KDM4B: variants seen among roughly 807,000 people sequenced by gnomAD.
KDM4B encodes lysine-specific demethylase 4B.
A neutral mutation model predicts 125.2 loss-of-function variants in KDM4B; 32 were observed. The ratio of observed to expected loss-of-function variants is 0.26; its 90% confidence interval spans 0.19 to 0.34. KDM4B has a LOEUF of 0.34. Among genes scored for constraint, KDM4B ranks in the 10% least tolerant of loss-of-function variants. KDM4B has a pLI of 1.00. For synonymous variants in KDM4B, 721 were observed against 677.9 expected (o/e 1.06, Z -0.99); for missense variants, 1,190 against 1,577.7 (o/e 0.75, Z 4.16).
intron 2 of KDM4B, among the ~76,000 whole-genome samples, chr19:5,024,097 C>T (rs550984973): frequency 1.8e-4 from 27 of 152,248 alleles, no homozygotes; most frequent in African/African-American, 6.5e-4. Flanking sequence ...TGCGTGTGGC[C>T]GCTGAGAGCC....
In KDM4B at chr19:4,976,144, G is replaced by A. The variant is rs189053777; in HGVS notation, c.-109+6914G>A. Among the ~76,000 whole-genome samples, 334 of 148,564 alleles carry A rather than the reference G, an allele frequency of 2.2e-3. 1 individual carries two copies. The highest frequency in any genetic ancestry group is 0.01 in the Middle Eastern group (3 of 292). On this transcript the variant is annotated intron_variant, in intron 1 of 22. Coordinates refer to ENST00000159111, the MANE Select transcript of KDM4B (RefSeq NM_015015.3). ...TATGCCTGTAATCCCAGCTTGTTGG[G>A]AGGCTGAGGCAGGAGAATCGCTTGA...
chr19:5,015,792 C>G (rs2035874423), intron 1 of KDM4B, among the ~76,000 whole-genome samples: 1 of 152,240 alleles, frequency 6.6e-6, no homozygotes, highest in African/African-American at 2.4e-5. Flanking sequence ...GGACTAAGTT[C>G]AACGCCTGGG....
chr19:5,120,427 G>A (rs2039338759), intron 11 of KDM4B, among the ~76,000 whole-genome samples: 1 of 152,248 alleles, frequency 6.6e-6, no homozygotes, highest in South Asian at 2.1e-4. Context: ...GGTCCTGACT[G>A]TGAGCTGGGG....
intron 6 of KDM4B, among the ~76,000 whole-genome samples, chr19:5,053,734 G>A (rs2037304789): frequency 6.6e-6 from 1 of 152,244 alleles, no homozygotes; most frequent in South Asian, 2.1e-4. Flanking sequence ...GACAGTTGTT[G>A]TCACAAGCAA....
intron 1 of KDM4B, among the ~76,000 whole-genome samples, chr19:5,000,418 C>T (rs954348092): frequency 6.6e-6 from 1 of 151,702 alleles, no homozygotes; most frequent in Admixed American, 6.6e-5. Flanking sequence ...TCCATCCATC[C>T]GTACATCCAT....
chr19:4,983,422 C>T (rs7257991), intron 1 of KDM4B, among the ~76,000 whole-genome samples: 1 of 152,154 alleles, frequency 6.6e-6, no homozygotes, highest in Non-Finnish European at 1.5e-5. Context: ...AATGGCAGGA[C>T]ACGCTGCGAC....
At chr19:5,016,458 C>T (rs2145519641) in intron 2 of KDM4B, 119 bp downstream of exon 2, 1 of 152,348 alleles carries the variant, frequency 6.6e-6, no homozygotes, top group South Asian at 2.1e-4. Context: ...CTCTGAATTC[C>T]CGGGACGTCC....
Position 5,151,670 on chromosome 19 carries a change from C to T in KDM4B, c.*159C>T, listed in dbSNP as rs532279995. Reference sequence around the variant, plus strand: ...AGGGCGACAGGAGCCAGCGGGACGCCGCACGCGGCCCCAGACTCAGGGAGC... The same window carrying T: ...AGGGCGACAGGAGCCAGCGGGACGCTGCACGCGGCCCCAGACTCAGGGAGC... On this transcript the variant is annotated 3_prime_UTR_variant, in exon 23 of 23. Transcript: ENST00000159111. The T allele has an allele frequency of 3.0e-5, 17 of 569,186 alleles. No individual in the cohort carries two copies. Among genetic ancestry groups the T allele is most frequent in the Admixed American group, 2.6e-4 (6 of 22,840 alleles). 35.3% of individuals were successfully genotyped at this position (569,186 alleles called of 1,614,324 possible).
At chr19:5,014,565 G>A (rs1599415922) in intron 1 of KDM4B, among the ~76,000 whole-genome samples, 1 of 151,946 alleles carries the variant, frequency 6.6e-6, no homozygotes, top group South Asian at 2.1e-4. Context: ...GTGAGCCACC[G>A]CGCCTGGCCT....
intron 2 of KDM4B, among the ~76,000 whole-genome samples, chr19:5,023,919 T>C (rs1435326304): frequency 6.6e-6 from 1 of 151,956 alleles, no homozygotes; most frequent in Non-Finnish European, 1.5e-5. Context: ...CACGCCTGGC[T>C]GATTTTTAAA....
chr19:5,067,147 C>G (rs983071022), intron 6 of KDM4B, among the ~76,000 whole-genome samples: 7 of 152,170 alleles, frequency 4.6e-5, no homozygotes, highest in South Asian at 2.1e-4. Flanking sequence ...CTTCAGCCCC[C>G]GCCCAGACAT....
chr19:5,043,909 T>G (rs1192562531), intron 5 of KDM4B, among the ~76,000 whole-genome samples: 10 of 110,040 alleles, frequency 9.1e-5, no homozygotes, highest in East Asian at 5.4e-4. Context: ...GGTGTCCACC[T>G]TATCCCGCGT....
rs550712421 is a variant in KDM4B, at chr19:5,114,164, C to T, written c.1115+3346C>T. 50 of 1,289,744 alleles carry T rather than the reference C, an allele frequency of 3.9e-5. No individual in the cohort carries two copies. Among genetic ancestry groups the T allele is most frequent in the African/African-American group, 2.4e-4 (16 of 65,980 alleles). 79.9% of individuals were successfully genotyped at this position (1,289,744 alleles called of 1,614,324 possible). On this transcript the variant is annotated intron_variant, in intron 10 of 22. Transcript: ENST00000159111. This position sits in a 1 kb window ranked among gnomAD's most constrained non-coding sequence, Gnocchi z 5.8. ...ACAGTGCTCTCTGGCACCCACGCGA[C>T]GCTCCTCCATGCAAACTCTTTCCAC...
At chr19:4,983,430 G>A (rs112623266) in intron 1 of KDM4B, among the ~76,000 whole-genome samples, 6 of 152,218 alleles carry the variant, frequency 3.9e-5, no homozygotes, top group Non-Finnish European at 8.8e-5. Flanking sequence ...GACACGCTGC[G>A]ACAGGTGCGG....
intron 6 of KDM4B, 176 bp from the exon 7 acceptor site, chr19:5,070,833 GA>G (rs2037924502): frequency 1.8e-6 from 1 of 544,624 alleles, no homozygotes; most frequent in South Asian, 2.6e-5. Flanking sequence ...CTTCCTTACG[GA>G]TTCCGTCCTG....
chr19:5,039,077 A>G (rs1442605874), intron 3 of KDM4B, among the ~76,000 whole-genome samples: 1 of 152,222 alleles, frequency 6.6e-6, no homozygotes, highest in African/African-American at 2.4e-5. Flanking sequence ...CAGTGGGTGC[A>G]GTTCTCACTT....
At position 5,023,507 on chromosome 19, in the gene KDM4B, C is replaced by G. The variant is rs557832764; in HGVS notation, c.-26+7168C>G. On this transcript the variant is annotated intron_variant, in intron 2 of 22. Coordinates refer to ENST00000159111, the MANE Select transcript of KDM4B (RefSeq NM_015015.3). Reference sequence around the variant, plus strand: ...TGGGCCTTCTGGTGGCTTGGGGCTCCTCTGTCCTCGGTCCCTGCTGGGAAC... The same window carrying G: ...TGGGCCTTCTGGTGGCTTGGGGCTCGTCTGTCCTCGGTCCCTGCTGGGAAC... 1.2e-4 allele frequency among the ~76,000 whole-genome samples: 18 copies of G among 152,300 alleles called. No homozygotes were observed. The South Asian group carries it at 3.7e-3, about 32-fold the overall frequency.
At chr19:5,039,170 G>A (rs539334259) in intron 3 of KDM4B, among the ~76,000 whole-genome samples, 2 of 152,354 alleles carry the variant, frequency 1.3e-5, no homozygotes, top group Non-Finnish European at 2.9e-5. Context: ...TTACCAGGGC[G>A]CAGTGGCTCA....
chr19:5,024,577 G>T (rs1163447169), intron 2 of KDM4B, among the ~76,000 whole-genome samples: 1 of 152,080 alleles, frequency 6.6e-6, no homozygotes, highest in Non-Finnish European at 1.5e-5. Context: ...CCATGTCATG[G>T]TCACAGCAGG....
Sources: allele counts gnomAD v4.1 joint callset (sites outside exome capture counted in the v4.1 genomes callset), GRCh38; gene constraint gnomAD v4.1.1; non-coding constraint Gnocchi (gnomAD v3.1); transcripts MANE v1.5; gene names NCBI Gene and HGNC (gene_info 2026-07-23, HGNC 2026-07-21).